The following PAF1 variants were observed in gnomAD, a reference collection of about 807,000 sequenced individuals.
PAF1 encodes RNA polymerase II-associated factor 1 homolog.
In PAF1, 31 loss-of-function variants were observed where a neutral mutation model predicts 68.4. The observed-to-expected ratio is 0.45, with a 90% CI of 0.34 to 0.61. The LOEUF is 0.61. PAF1 is among the 20% of genes least tolerant of loss of function. PAF1 has a pLI of 0.01. For missense variants in PAF1, 435 were observed against 692.9 expected, an observed-to-expected ratio of 0.63 and a Z score of 4.18; for synonymous variants, 256 against 240.5, an observed-to-expected ratio of 1.06 and a Z score of -0.60.
In PAF1 at chr19:39,386,597, G is replaced by A. The variant is rs2078255457; in HGVS notation, c.1093-25C>T. On this transcript the variant is annotated intron_variant, in intron 12 of 13. Transcript: ENST00000221265. The surrounding 1 kb of genome is among the most constrained non-coding windows in gnomAD (Gnocchi z 6.1). ...CCTGGAAGCAGCAAGATTGGAATGA[G>A]GGGAAGGAGGGTGTTCTGCTGGGTT... The A allele has an allele frequency of 1.9e-6, 3 of 1,612,432 alleles. No individual in the cohort carries two copies. In the South Asian group the frequency reaches 3.3e-5, roughly 18 times the overall value.
Position 39,390,871 on chromosome 19 carries a change from G to T in PAF1, c.-7C>A. On this transcript the variant is annotated 5_prime_UTR_variant, in exon 1 of 14. Coordinates refer to ENST00000221265, the MANE Select transcript of PAF1 (RefSeq NM_019088.4). ...TCTGGATGGTGGGCGCCATAGCGAC[G>T]AGGCGACGGCAGCCCGGACGGGGTC... 2 of 1,579,270 alleles carry T rather than the reference G, an allele frequency of 1.3e-6. No homozygotes were observed. Among genetic ancestry groups the T allele is most frequent in the Non-Finnish European group, 1.7e-6 (2 of 1,162,414 alleles).
In PAF1 at chr19:39,389,493, T is replaced by C. The variant is rs139648322; in HGVS notation, c.346A>G (p.Thr116Ala). ...KLLEEEIQAP[T>A]SSKRSQQHAK... ...CTACCCACTCACCTCTTGGAGCTGGTGGGGGCCTGAATCTCCTCTTCCAAA... is the reference window on the plus strand; with the variant it reads ...CTACCCACTCACCTCTTGGAGCTGGCGGGGGCCTGAATCTCCTCTTCCAAA... The change falls in exon 5 of 14, where the codon ACC (threonine) becomes GCC (alanine). Residue 116 changes from threonine (T) to alanine (A), a missense_variant. Transcript: ENST00000221265. The surrounding 1 kb of genome is among the most constrained non-coding windows in gnomAD (Gnocchi z 5.3). 2.1e-4 allele frequency: 332 copies of C among 1,614,060 alleles called. 1 individual carries two copies. In the African/African-American group the frequency reaches 3.2e-3, roughly 16 times the overall value.
In PAF1 at chr19:39,389,943, G is replaced by A; in HGVS notation, c.170+126C>T. ...CACTGCTTGCTCCATTAACAATTGA[G>A]CAGCTACTACTATGTGCTAGGGTAG... On this transcript the variant is annotated intron_variant, in intron 3 of 13. Transcript: ENST00000221265. The surrounding 1 kb of genome is among the most constrained non-coding windows in gnomAD (Gnocchi z 5.3). 3 of 1,061,524 alleles carry A rather than the reference G, an allele frequency of 2.8e-6. No individual in the cohort carries two copies. The highest frequency in any genetic ancestry group is 4.3e-6 in the Non-Finnish European group (3 of 694,138). The allele number at this position is 1,061,524 out of a possible 1,614,324, so 65.8% of individuals were successfully genotyped here.
intron 9 of PAF1, 29 bp from the exon 10 acceptor site, chr19:39,388,705 A>AGT: frequency 6.2e-7 from 1 of 1,611,420 alleles, no homozygotes. Context: ...GTAGCAATGA[A>AGT]GTGTGAGGAC....
Position 39,391,100 on chromosome 19 carries a change from A to C in PAF1, c.-236T>G. ...GCTCCGGTTCCACCAACTGCCGCCAAGACGCTGAGGACCCAACGGGTCTCC... is the reference window on the plus strand; with the variant it reads ...GCTCCGGTTCCACCAACTGCCGCCACGACGCTGAGGACCCAACGGGTCTCC... On this transcript the variant is annotated 5_prime_UTR_variant, in exon 1 of 14. Coordinates refer to ENST00000221265, the MANE Select transcript of PAF1 (RefSeq NM_019088.4). 1.6e-6 allele frequency: 1 copy of C among 634,600 alleles called. No homozygotes were observed. The allele number at this position is 634,600 out of a possible 1,614,324, so 39.3% of individuals were successfully genotyped here.
chr19:39,391,090 A>C lies in PAF1; in HGVS notation c.-226T>G, dbSNP rs566547868. The stretch of plus-strand genomic sequence containing the variant: ...CGGACTCGAAGCTCCGGTTCCACCA[A>C]CTGCCGCCAAGACGCTGAGGACCCA... On this transcript the variant is annotated 5_prime_UTR_variant, in exon 1 of 14. Transcript: ENST00000221265. 66 of 629,900 alleles carry C rather than the reference A, an allele frequency of 1.0e-4. No individual in the cohort carries two copies. The highest frequency in any genetic ancestry group is 8.6e-4 in the Middle Eastern group (2 of 2,336). 39.0% of individuals were successfully genotyped at this position (629,900 alleles called of 1,614,324 possible).
Position 39,386,146 on chromosome 19 carries a change from C to A in PAF1, c.1441G>T (p.Asp481Tyr). The change falls in exon 14 of 14, where the codon GAT (aspartate) becomes TAT (tyrosine). Residue 481 changes from aspartate (D) to tyrosine (Y), a missense_variant. By Grantham distance (160) the Asp-to-Tyr change is radical (BLOSUM62 -3). Transcript: ENST00000221265. The surrounding 1 kb of genome is among the most constrained non-coding windows in gnomAD (Gnocchi z 6.1). ...CCCCCATTGCTGCCGCTGTCTGAAT[C>A]ATTGTCACTGCCACCTTGGGCCTGT... ...RGQAQGGSDN[D>Y]SDSGSNGGGQ... The A allele has an allele frequency of 6.2e-7, 1 of 1,614,200 alleles. No homozygotes were observed. The highest frequency in any genetic ancestry group is 8.5e-7 in the Non-Finnish European group (1 of 1,180,044).
chr19:39,388,486 G>T lies in PAF1; in HGVS notation c.858-19C>A. 6.2e-7 allele frequency: 1 copy of T among 1,614,120 alleles called. No individual in the cohort carries two copies. The highest frequency in any genetic ancestry group is 8.5e-7 in the Non-Finnish European group (1 of 1,179,996). On this transcript the variant is annotated intron_variant, in intron 10 of 13. Transcript: ENST00000221265. ...GTCATACCTGAAGATGAGGGCACAG[G>T]TTCAGCCCCATTTCTTCCCTATCCC...
chr19:39,390,873 G>A lies in PAF1; in HGVS notation c.-9C>T, dbSNP rs757831454. On this transcript the variant is annotated 5_prime_UTR_variant, in exon 1 of 14. Coordinates refer to ENST00000221265, the MANE Select transcript of PAF1 (RefSeq NM_019088.4). Reference sequence around the variant, plus strand: ...TGGATGGTGGGCGCCATAGCGACGAGGCGACGGCAGCCCGGACGGGGTCCT... The same window carrying A: ...TGGATGGTGGGCGCCATAGCGACGAAGCGACGGCAGCCCGGACGGGGTCCT... 5 of 1,577,792 alleles carry A rather than the reference G, an allele frequency of 3.2e-6. No homozygotes were observed. Among genetic ancestry groups the A allele is most frequent in the Non-Finnish European group, 4.3e-6 (5 of 1,161,576 alleles).
chr19:39,391,062 G>A lies in PAF1; in HGVS notation c.-198C>T, dbSNP rs2078368765. On this transcript the variant is annotated 5_prime_UTR_variant, in exon 1 of 14. Coordinates refer to ENST00000221265, the MANE Select transcript of PAF1 (RefSeq NM_019088.4). ...CAGGTGAACGCGCAGGCAGCACCGG[G>A]GACGGACTCGAAGCTCCGGTTCCAC... 6 of 635,090 alleles carry A rather than the reference G, an allele frequency of 9.4e-6. No individual in the cohort carries two copies. Among genetic ancestry groups the A allele is most frequent in the Non-Finnish European group, 1.6e-5 (6 of 370,348 alleles). The allele number at this position is 635,090 out of a possible 1,614,324, so 39.3% of individuals were successfully genotyped here.
intron 10 of PAF1, 37 bp downstream of exon 10, chr19:39,388,506 TATCCCAATCCCCAAAAC>T: frequency 1.9e-6 from 3 of 1,614,106 alleles, no homozygotes; most frequent in Non-Finnish European, 2.5e-6. Context: ...ATTTCTTCCC[TATCCCAATCCCCAAAAC>T]TTCCCAATCC....
Position 39,389,868 on chromosome 19 carries a change from C to G in PAF1, c.171-107G>C, listed in dbSNP as rs533381044. 5.5e-5 allele frequency: 81 copies of G among 1,468,926 alleles called. No homozygotes were observed. The highest frequency in any genetic ancestry group is 7.5e-5 in the Non-Finnish European group (79 of 1,054,084). 91.0% of individuals were successfully genotyped at this position (1,468,926 alleles called of 1,614,324 possible). On this transcript the variant is annotated intron_variant, in intron 3 of 13. Coordinates refer to ENST00000221265, the MANE Select transcript of PAF1 (RefSeq NM_019088.4). This position sits in a 1 kb window ranked among gnomAD's most constrained non-coding sequence, Gnocchi z 5.3. ...TGGGGAGGAACTCAGAATGAAGTGT[C>G]CCCCATGGCAGAGTCTGAAAGCTGG...
At position 39,389,956 on chromosome 19, in the gene PAF1, TGTGCTAGGGTAG is replaced by T; in HGVS notation, c.170+101_170+112del. The T allele has an allele frequency of 9.5e-7, 1 of 1,050,194 alleles. No individual in the cohort carries two copies. Among genetic ancestry groups the T allele is most frequent in the Non-Finnish European group, 1.5e-6 (1 of 682,040 alleles). 65.1% of individuals were successfully genotyped at this position (1,050,194 alleles called of 1,614,324 possible). A position where few individuals can be genotyped will look rare whatever the true frequency, so the allele number is the denominator to read the frequency against. On this transcript the variant is annotated intron_variant, in intron 3 of 13. Coordinates refer to ENST00000221265, the MANE Select transcript of PAF1 (RefSeq NM_019088.4). The surrounding 1 kb of genome is among the most constrained non-coding windows in gnomAD (Gnocchi z 5.3). ...ATTAACAATTGAGCAGCTACTACTA[TGTGCTAGGGTAG>T]GTACTGTGCTAGGCCCTGAGCAGAC...
In PAF1 at chr19:39,389,618, C is replaced by T; in HGVS notation, c.292+22G>A. The stretch of plus-strand genomic sequence containing the variant: ...TGAGCCTTTGCTGACCTAGAGCAGA[C>T]CCTCCCTGTCTCCCCACACACCATT... On this transcript the variant is annotated intron_variant, in intron 4 of 13. Coordinates refer to ENST00000221265, the MANE Select transcript of PAF1 (RefSeq NM_019088.4). This position sits in a 1 kb window ranked among gnomAD's most constrained non-coding sequence, Gnocchi z 5.3. The T allele has an allele frequency of 6.2e-7, 1 of 1,614,220 alleles. No homozygotes were observed. The highest frequency in any genetic ancestry group is 8.5e-7 in the Non-Finnish European group (1 of 1,180,042).
At position 39,386,453 on chromosome 19, in the gene PAF1, C is replaced by T. The variant is rs1326493740; in HGVS notation, c.1183+29G>A. ...AACCCACTTTTCCACCCTCCCAGGG[C>T]TCCCAGAGTCTGGCCTGTCCAGATT... On this transcript the variant is annotated intron_variant, in intron 13 of 13. Coordinates refer to ENST00000221265, the MANE Select transcript of PAF1 (RefSeq NM_019088.4). This position sits in a 1 kb window ranked among gnomAD's most constrained non-coding sequence, Gnocchi z 6.1. 6.2e-7 allele frequency: 1 copy of T among 1,614,134 alleles called. No individual in the cohort carries two copies.
At chr19:39,388,312 C>T (rs1268169922) in intron 11 of PAF1, 27 bp downstream of exon 11, 5 of 1,613,330 alleles carry the variant, frequency 3.1e-6, no homozygotes, top group Non-Finnish European at 4.2e-6. Flanking sequence ...CAGATCCAGG[C>T]TAATCAGATA....
chr19:39,389,773 A>G lies in PAF1; in HGVS notation c.171-12T>C. 6.2e-7 allele frequency: 1 copy of G among 1,613,978 alleles called. No individual in the cohort carries two copies. The highest frequency in any genetic ancestry group is 8.5e-7 in the Non-Finnish European group (1 of 1,179,986). ...TGTACTGGACGAACCTGGGTGGGGA[A>G]ACACCTATTGTGGTGTTTGGATTCC... On this transcript the variant is annotated splice_polypyrimidine_tract_variant and intron_variant, in intron 3 of 13. Transcript: ENST00000221265. The surrounding 1 kb of genome is among the most constrained non-coding windows in gnomAD (Gnocchi z 5.3).
At chr19:39,387,200 G>A in intron 11 of PAF1, 1 of 439,482 alleles carries the variant, frequency 2.3e-6, no homozygotes, top group Non-Finnish European at 4.6e-6. Flanking sequence ...AGGCTACAAG[G>A]TTGTACAGCA....
Position 39,390,929 on chromosome 19 carries a change from T to C in PAF1, c.-65A>G. The C allele has an allele frequency of 6.7e-7, 1 of 1,501,568 alleles. No homozygotes were observed. Among genetic ancestry groups the C allele is most frequent in the Non-Finnish European group, 9.0e-7 (1 of 1,105,622 alleles). 93.0% of individuals were successfully genotyped at this position (1,501,568 alleles called of 1,614,324 possible). ...GACCGAAGGGGGACGCAGAGGGGCG[T>C]GCCGACTTCAGGGGACGCCTGATCC... On this transcript the variant is annotated 5_prime_UTR_variant, in exon 1 of 14. Transcript: ENST00000221265.
Sources: gnomAD v4.1 joint callset for allele counts on GRCh38, gnomAD v4.1.1 for gene constraint, Gnocchi (gnomAD v3.1) non-coding constraint, MANE v1.5 for transcripts, NCBI Gene and HGNC (gene_info 2026-07-23, HGNC 2026-07-21) for gene names.